Variants in DSCAM observed in about 807,000 individuals in gnomAD.
DSCAM encodes DS cell adhesion molecule.
A neutral mutation model predicts 217.7 loss-of-function variants in DSCAM; 47 were observed. The ratio of observed to expected loss-of-function variants is 0.22; its 90% CI spans 0.17 to 0.28. The LOEUF (loss-of-function observed/expected upper bound fraction) is 0.28. Ranked by LOEUF, DSCAM falls within the 10% of genes least tolerant of loss-of-function variation. The pLI is 1.00. For missense variants in DSCAM, 2,080 were observed against 2,618.3 expected, an observed-to-expected ratio of 0.79 and a Z score of 4.49; for synonymous variants, 1,056 against 1,015.3, an observed-to-expected ratio of 1.04 and a Z score of -0.76.
At chr21:40,676,515 C>T (rs148896508) in intron 3 of DSCAM, among the ~76,000 whole-genome samples, 42 of 152,280 alleles carry the variant, frequency 2.8e-4, no homozygotes, top group African/African-American at 8.9e-4. Context: ...ATGCTTGAGA[C>T]TTCGATTGCC....
chr21:40,806,075 G>C (rs547741705), intron 1 of DSCAM, among the ~76,000 whole-genome samples: 1 of 152,228 alleles, frequency 6.6e-6, no homozygotes, highest in East Asian at 1.9e-4. Flanking sequence ...CGATACCCCT[G>C]CCTGCTACAC....
chr21:40,186,983 G>A, intron 14 of DSCAM, 148 bp downstream of exon 14: 2 of 949,704 alleles, frequency 2.1e-6, no homozygotes, highest in Middle Eastern at 2.9e-4. Context: ...AAGCCAGGAT[G>A]TGCTTCCAGC....
intron 3 of DSCAM, among the ~76,000 whole-genome samples, chr21:40,638,961 T>C (rs1364485315): frequency 6.6e-6 from 1 of 152,188 alleles, no homozygotes; most frequent in Non-Finnish European, 1.5e-5. Flanking sequence ...ATTAAAATGA[T>C]ATCAACATTC....
intron 1 of DSCAM, among the ~76,000 whole-genome samples, chr21:40,817,074 G>A (rs142263552): frequency 1.3e-3 from 190 of 141,634 alleles, no homozygotes; most frequent in African/African-American, 4.6e-3. Context: ...AAGATATGCA[G>A]TAAATTAGAT....
In DSCAM at chr21:40,178,909, C is replaced by T; in HGVS notation, c.2947+18G>A. 1 of 1,612,390 alleles carries T rather than the reference C, an allele frequency of 6.2e-7. No homozygotes were observed. Among genetic ancestry groups the T allele is most frequent in the South Asian group, 1.1e-5 (1 of 90,966 alleles). ...TCCCGGGCTCCTCTGGAGCAAGGTT[C>T]CGCCCGGTCCCACGTACCTGCCTCG... On this transcript the variant is annotated intron_variant, in intron 15 of 32. Transcript: ENST00000400454.
At chr21:40,292,375 G>A (rs2073903991) in intron 10 of DSCAM, among the ~76,000 whole-genome samples, 1 of 151,908 alleles carries the variant, frequency 6.6e-6, no homozygotes, top group Admixed American at 6.6e-5. Flanking sequence ...TCAGCTCTTA[G>A]TGATCATTTC....
At chr21:40,720,504 G>A (rs148221258) in intron 1 of DSCAM, among the ~76,000 whole-genome samples, 2 of 152,032 alleles carry the variant, frequency 1.3e-5, no homozygotes, top group African/African-American at 4.8e-5. Context: ...TGCCTTTAAC[G>A]TTAATATATT....
chr21:40,658,857 A>T (rs2090104455), intron 3 of DSCAM, among the ~76,000 whole-genome samples: 1 of 152,204 alleles, frequency 6.6e-6, no homozygotes, highest in Non-Finnish European at 1.5e-5. Context: ...AGAATCAAAT[A>T]AAATCATAAA....
intron 3 of DSCAM, among the ~76,000 whole-genome samples, chr21:40,622,790 C>G (rs1356853215): frequency 6.6e-6 from 1 of 151,512 alleles, no homozygotes; most frequent in Non-Finnish European, 1.5e-5. Context: ...GTGCTTTCCA[C>G]TGAGCTGGCT....
At chr21:40,700,742 T>C (rs968468714) in intron 2 of DSCAM, among the ~76,000 whole-genome samples, 3 of 150,984 alleles carry the variant, frequency 2.0e-5, no homozygotes, top group Admixed American at 2.0e-4. Context: ...TTTCTTTTTT[T>C]TTTTTTTTGA....
intron 3 of DSCAM, among the ~76,000 whole-genome samples, chr21:40,516,039 T>C (rs972606629): frequency 3.3e-5 from 5 of 152,102 alleles, no homozygotes; most frequent in African/African-American, 1.2e-4. Context: ...CATCCAGTGG[T>C]AGCGTCTAAT....
At chr21:40,435,783 G>A (rs977282014) in intron 3 of DSCAM, among the ~76,000 whole-genome samples, 1 of 152,162 alleles carries the variant, frequency 6.6e-6, no homozygotes, top group Non-Finnish European at 1.5e-5. Context: ...CCTGTCCGAT[G>A]GTTTGACTTA....
At chr21:40,353,286 C>A (rs1039325922) in intron 5 of DSCAM, among the ~76,000 whole-genome samples, 179 bp downstream of exon 5, 1 of 152,122 alleles carries the variant, frequency 6.6e-6, no homozygotes, top group Admixed American at 6.5e-5. Flanking sequence ...AGTTGTGTAA[C>A]CTTGGGGAAT....
At position 40,097,940 on chromosome 21, in the gene DSCAM, CAAAA is replaced by C. The variant is rs1311731207; in HGVS notation, c.3697-4070_3697-4067del. On this transcript the variant is annotated intron_variant, in intron 20 of 32. Coordinates refer to ENST00000400454, the MANE Select transcript of DSCAM (RefSeq NM_001389.5). ...TGGGTGACAGAGTGAGACTCTGTCT[CAAAA>C]AAAAAAAAAAAAAGAAAGAAAGAAA... Among the ~76,000 whole-genome samples the C allele has an allele frequency of 6.9e-4, 7 of 10,124 alleles. 1 individual carries two copies. Among genetic ancestry groups the C allele is most frequent in the East Asian group, 4.3e-3 (1 of 234 alleles). 6.6% of individuals were successfully genotyped at this position (10,124 alleles called of 152,430 possible). A position where few individuals can be genotyped will look rare whatever the true frequency, so the allele number is the denominator to read the frequency against.
chr21:40,269,980 A>G (rs527795865), intron 11 of DSCAM, among the ~76,000 whole-genome samples: 1 of 152,306 alleles, frequency 6.6e-6, no homozygotes, highest in East Asian at 1.9e-4. Flanking sequence ...AAAGGAGGGA[A>G]ATTGAAACTG....
In DSCAM at chr21:40,791,007, T is replaced by A. The variant is rs56899368; in HGVS notation, c.43+55612A>T. 2.8e-3 allele frequency among the ~76,000 whole-genome samples: 428 copies of A among 151,666 alleles called. 2 individuals are homozygous for A. Among genetic ancestry groups the A allele is most frequent in the African/African-American group, 0.01 (414 of 41,346 alleles). ...CCCTGGCCAACATGGTAAAACCCCA[T>A]CTCTACTAAAAATAAAAATAAAAAA... is the stretch of plus-strand genomic sequence containing the variant. On this transcript the variant is annotated intron_variant, in intron 1 of 32. Transcript: ENST00000400454.
chr21:40,377,933 T>C (rs1318719802), intron 3 of DSCAM, among the ~76,000 whole-genome samples: 3 of 152,132 alleles, frequency 2.0e-5, no homozygotes, highest in Non-Finnish European at 4.4e-5. Context: ...AATCATGATA[T>C]TAAATAAGAA....
At chr21:40,737,419 C>G (rs2091075555) in intron 1 of DSCAM, among the ~76,000 whole-genome samples, 1 of 152,108 alleles carries the variant, frequency 6.6e-6, no homozygotes, top group Non-Finnish European at 1.5e-5. Context: ...AGGTGGATCA[C>G]CTGAGGTCAG....
chr21:40,456,656 TCACAATAATACAAAAATTATTGTGAATA>T (rs1445224958), intron 3 of DSCAM, among the ~76,000 whole-genome samples: 1 of 151,446 alleles, frequency 6.6e-6, no homozygotes, highest in Non-Finnish European at 1.5e-5. Flanking sequence ...GCAATACACT[TCACAATAATACAAAAATTATTGTGAATA>T]CACAATACAA....
Sources: gnomAD v4.1 joint callset for allele counts (sites outside exome capture counted in the v4.1 genomes callset) on GRCh38, gnomAD v4.1.1 for gene constraint, MANE v1.5 for transcripts, NCBI Gene and HGNC (gene_info 2026-07-23, HGNC 2026-07-21) for gene names.